The following IL18BP variants were observed in gnomAD, a reference collection of about 807,000 sequenced individuals.
IL18BP encodes the protein interleukin 18 binding protein, also known as interleukin-18-binding protein.
Under a neutral mutation model 19.9 loss-of-function variants are expected in IL18BP, and 23 were observed. That is an observed-to-expected ratio of 1.15 (90% CI 0.83 to 1.64). The LOEUF is 1.64. Among genes scored for constraint, IL18BP ranks in the 40% most tolerant of loss-of-function variants. The probability of loss-of-function intolerance (pLI) is 0.00; values close to 1 mark genes in which losing one functional copy is unlikely to be tolerated. For missense variants in IL18BP, 239 were observed against 240.7 expected, an observed-to-expected ratio of 0.99 and a Z score of 0.05; for synonymous variants, 107 against 101.0, an observed-to-expected ratio of 1.06 and a Z score of -0.35.
chr11:72,007,238 C>T (rs148953957), downstream of IL18BP: 19 of 1,612,604 alleles, frequency 1.2e-5, no homozygotes, highest in Non-Finnish European at 1.4e-5. Context: ...ACGAGCGGAG[C>T]GGGTCTTACG....
Position 72,002,101 on chromosome 11 carries a change from C to T in IL18BP, c.*240C>T. The T allele has an allele frequency of 1.6e-6, 1 of 614,584 alleles. No homozygotes were observed. Among genetic ancestry groups the T allele is most frequent in the Non-Finnish European group, 2.9e-6 (1 of 344,228 alleles). 38.1% of individuals were successfully genotyped at this position (614,584 alleles called of 1,614,324 possible). Reference sequence around the variant, plus strand: ...CATTCTCTCTCCACCTATCCATTAGCCTTCCTAACGTCCTACTCCTCACAC... The same window carrying T: ...CATTCTCTCTCCACCTATCCATTAGTCTTCCTAACGTCCTACTCCTCACAC... On this transcript the variant is annotated 3_prime_UTR_variant, in exon 6 of 6. Transcript: ENST00000393703.
chr11:72,006,879 G>A (rs1199362641), downstream of IL18BP, among the ~76,000 whole-genome samples: 3 of 152,254 alleles, frequency 2.0e-5, no homozygotes, highest in East Asian at 1.9e-4. Flanking sequence ...GCTGCATGGG[G>A]CATGCTGGGA....
chr11:72,006,240 G>C (rs756144350), downstream of IL18BP: 2 of 1,614,198 alleles, frequency 1.2e-6, no homozygotes, highest in East Asian at 2.2e-5. Flanking sequence ...AGTTGGCGCT[G>C]TCTGGCTCTT....
At chr11:72,003,689 A>G (rs527446273), downstream of IL18BP, 4 of 1,093,682 alleles carry the variant, frequency 3.7e-6, no homozygotes, top group African/African-American at 3.1e-5. Context: ...GTGCCTGAGC[A>G]GCTCTGGGTG....
chr11:72,004,548 G>T, downstream of IL18BP: 1 of 1,366,084 alleles, frequency 7.3e-7, no homozygotes. Context: ...GGGAAGTGAG[G>T]GAAGGAGAGA....
downstream of IL18BP, chr11:72,004,624 G>A: frequency 4.3e-6 from 7 of 1,609,520 alleles, 1 homozygote; most frequent in South Asian, 5.5e-5. Flanking sequence ...TAACACCCAG[G>A]AGCCACCGCG....
Position 72,002,670 on chromosome 11 carries a change from G to A in IL18BP, c.*809G>A, listed in dbSNP as rs1679917704. 1 of 170,376 alleles carries A rather than the reference G, an allele frequency of 5.9e-6. No homozygotes were observed. The highest frequency in any genetic ancestry group is 2.0e-4 in the South Asian group (1 of 4,964). The allele number at this position is 170,376 out of a possible 1,614,324, so 10.6% of individuals were successfully genotyped here. On this transcript the variant is annotated 3_prime_UTR_variant, in exon 6 of 6. Coordinates refer to ENST00000393703, the MANE Select transcript of IL18BP (RefSeq NM_001039660.2). The stretch of plus-strand genomic sequence containing the variant: ...CAGGGGAACACAGGCGCTTGAAAAA[G>A]AAAAGAGAGAACAGCCCATAATGCT...
downstream of IL18BP, chr11:72,005,221 C>T (rs1367907507): frequency 1.3e-6 from 2 of 1,588,328 alleles, no homozygotes; most frequent in Non-Finnish European, 1.7e-6. Context: ...GCACAGTGAC[C>T]CCAGGCCTCA....
downstream of IL18BP, chr11:72,004,593 G>A (rs1332528070): frequency 3.2e-6 from 5 of 1,579,564 alleles, no homozygotes; most frequent in African/African-American, 1.4e-5. Context: ...AGCTGGGCCT[G>A]ACCTGAGCAC....
downstream of IL18BP, chr11:72,005,509 T>G (rs1678666235): frequency 1.3e-6 from 1 of 745,028 alleles, no homozygotes; most frequent in Non-Finnish European, 2.2e-6. Flanking sequence ...GTGCCGCAGG[T>G]GCAGGAGTAC....
downstream of IL18BP, chr11:72,005,481 G>T: frequency 1.0e-6 from 1 of 998,920 alleles, no homozygotes; most frequent in Non-Finnish European, 1.5e-6. Context: ...TTGAAGCCCA[G>T]CACACCAGTC....
Position 72,002,078 on chromosome 11 carries a change from TTCTC to T in IL18BP, c.*222_*225del, listed in dbSNP as rs1464888115. 4 of 653,408 alleles carry T rather than the reference TTCTC, an allele frequency of 6.1e-6. No individual in the cohort carries two copies. Among genetic ancestry groups the T allele is most frequent in the East Asian group, 2.7e-5 (1 of 36,378 alleles). 40.5% of individuals were successfully genotyped at this position (653,408 alleles called of 1,614,324 possible). On this transcript the variant is annotated 3_prime_UTR_variant, in exon 6 of 6. Coordinates refer to ENST00000393703, the MANE Select transcript of IL18BP (RefSeq NM_001039660.2). ...CTTATAATGCCTCCTCCTCCTGCCA[TTCTC>T]TCTCCACCTATCCATTAGCCTTCCT... is the stretch of plus-strand genomic sequence containing the variant.
At position 72,000,379 on chromosome 11, in the gene IL18BP, G is replaced by A; in HGVS notation, c.57G>A (p.Leu19=). 6.2e-7 allele frequency: 1 copy of A among 1,613,994 alleles called. No individual in the cohort carries two copies. Among genetic ancestry groups the A allele is most frequent in the Non-Finnish European group, 8.5e-7 (1 of 1,180,022 alleles). ...TCAGCCCTTTGTGGGTCCTGCTCCT[G>A]TGTGCCCACGTCGTCACTCTCCTGG... is the stretch of plus-strand genomic sequence containing the variant. The part of the protein sequence containing the change: ...PDLSPLWVLL[L]CAHVVTLLVR... The change falls in exon 3 of 6, where the codon CTG becomes CTA. Residue 19 remains leucine (L), a synonymous_variant. Coordinates refer to ENST00000393703, the MANE Select transcript of IL18BP (RefSeq NM_001039660.2).
downstream of IL18BP, chr11:72,002,868 G>A (rs537945669): frequency 7.5e-5 from 16 of 214,678 alleles, no homozygotes; most frequent in Admixed American, 1.2e-4. Flanking sequence ...CAGTACTCAC[G>A]GGAGAAAAAT....
chr11:72,004,715 C>G (rs371124702), downstream of IL18BP: 65 of 1,613,722 alleles, frequency 4.0e-5, no homozygotes, highest in East Asian at 4.2e-4. Flanking sequence ...TGCCAGTGCC[C>G]TCGGCTATCT....
downstream of IL18BP, chr11:72,007,196 A>T: frequency 1.2e-6 from 2 of 1,608,898 alleles, no homozygotes; most frequent in Non-Finnish European, 1.7e-6. Flanking sequence ...GACCTTGGTC[A>T]TGGTGATGTT....
chr11:72,003,662 G>C, downstream of IL18BP: 5 of 1,294,654 alleles, frequency 3.9e-6, no homozygotes, highest in South Asian at 6.1e-5. Flanking sequence ...GAGCCCCAGG[G>C]TTATCAGTTG....
At chr11:72,006,729 G>A (rs575089995), downstream of IL18BP, among the ~76,000 whole-genome samples, 2 of 152,150 alleles carry the variant, frequency 1.3e-5, no homozygotes, top group East Asian at 3.9e-4. Flanking sequence ...GTAGCAGGGG[G>A]CACCCTAAAC....
At chr11:72,003,478 G>GAC (rs1298228447), downstream of IL18BP, 23 of 1,589,084 alleles carry the variant, frequency 1.4e-5, 1 homozygote, top group African/African-American at 2.7e-5. Context: ...AGGACCAGGT[G>GAC]AGGTCAGCAT....
Sources: allele counts gnomAD v4.1 joint callset (sites outside exome capture counted in the v4.1 genomes callset), GRCh38; gene constraint gnomAD v4.1.1; transcripts MANE v1.5; gene names NCBI Gene and HGNC (gene_info 2026-07-23, HGNC 2026-07-21).